The following GCSAML variants were observed in gnomAD, a reference collection of about 807,000 sequenced individuals.
GCSAML encodes germinal center-associated signaling and motility-like protein.
Under a neutral mutation model 13.0 loss-of-function variants are expected in GCSAML, and 9 were observed. That is an observed-to-expected ratio of 0.69 (90% CI 0.42 to 1.21). The LOEUF is 1.21. Among genes scored for constraint, GCSAML ranks in the 50% most tolerant of loss-of-function variants. The pLI, the probability that GCSAML is intolerant of heterozygous loss-of-function variation, is 0.00. For synonymous variants in GCSAML, 37 were observed against 52.9 expected (o/e 0.70, Z 1.31); for missense variants, 143 against 153.4 (o/e 0.93, Z 0.36).
chr1:247,529,230 G>T (rs1666807878), intron 2 of GCSAML: 1 of 152,172 alleles, frequency 6.6e-6, no homozygotes, highest in African/African-American at 2.4e-5. Context: ...TTTACATAGT[G>T]AACAAAGCCT....
chr1:247,563,505 A>T, intron 2 of GCSAML, 85 bp from the exon 3 acceptor site: 1 of 728,240 alleles, frequency 1.4e-6, no homozygotes, highest in Non-Finnish European at 2.3e-6. Context: ...GCCTTAGGTT[A>T]AGGGCAACCA....
chr1:247,549,096 C>T (rs776918194), upstream of GCSAML: 351 of 1,612,170 alleles, frequency 2.2e-4, no homozygotes, highest in Admixed American at 3.2e-4. Context: ...TCAGATGCAA[C>T]GTCCTGCCTC....
At chr1:247,519,618 G>A (rs1881794) in intron 1 of GCSAML, among the ~76,000 whole-genome samples, 3,712 of 152,214 alleles carry the variant, frequency 0.024, 152 homozygotes, top group African/African-American at 0.084. Flanking sequence ...GCAAACATTC[G>A]TTATTCTAGG....
intron 2 of GCSAML, among the ~76,000 whole-genome samples, chr1:247,562,824 T>C (rs1199333296): frequency 3.5e-5 from 5 of 144,390 alleles, no homozygotes; most frequent in African/African-American, 1.2e-4. Context: ...GGCCCACACT[T>C]ATTTTTTTTT....
intron 1 of GCSAML, among the ~76,000 whole-genome samples, chr1:247,522,272 TAG>T (rs1666471871): frequency 1.1e-5 from 1 of 93,124 alleles, no homozygotes. Flanking sequence ...CCCACCCGGC[TAG>T]CCGCCCTGTC....
chr1:247,532,393 A>G, intron 2 of GCSAML: 1 of 1,614,122 alleles, frequency 6.2e-7, no homozygotes, highest in South Asian at 1.1e-5. Context: ...ATTGCCCAAG[A>G]TCGATACCAT....
intron 2 of GCSAML, among the ~76,000 whole-genome samples, chr1:247,561,127 A>G (rs1360691820): frequency 6.6e-6 from 1 of 151,300 alleles, no homozygotes; most frequent in African/African-American, 2.4e-5. Flanking sequence ...CTAATATACA[A>G]CTTTTTTGTA....
At chr1:247,539,594 G>A (rs946006126) in intron 2 of GCSAML, among the ~76,000 whole-genome samples, 11 of 152,018 alleles carry the variant, frequency 7.2e-5, no homozygotes, top group African/African-American at 2.7e-4. Context: ...ACAAGTGACC[G>A]ACTAAAAGCA....
intron 1 of GCSAML, among the ~76,000 whole-genome samples, chr1:247,551,384 C>T (rs1311920125): frequency 1.3e-5 from 2 of 152,080 alleles, no homozygotes; most frequent in African/African-American, 2.4e-5. Context: ...GAGATGACTC[C>T]AGTAGCAGAA....
chr1:247,563,006 A>AT (rs35205676), intron 2 of GCSAML, among the ~76,000 whole-genome samples: 68,417 of 134,590 alleles, frequency 0.51, 17,532 homozygotes, highest in East Asian at 0.8. Context: ...TACCCAGCTC[A>AT]TTTTTTTTTT....
rs958165359 is a variant in GCSAML, at chr1:247,527,958, T to G, written c.-148+904T>G. ...ACTTATTTCTATGAGATCAACCCTT[T>G]TTTAGCTTTCACAGATGAATGAGAA... is the stretch of plus-strand genomic sequence containing the variant. On this transcript the variant is annotated intron_variant, in intron 2 of 5. Transcript: ENST00000366489. The surrounding 1 kb of genome is among the most constrained non-coding windows in gnomAD (Gnocchi z 4.6). The G allele has an allele frequency of 1.3e-5, 2 of 152,164 alleles. No individual in the cohort carries two copies. Among genetic ancestry groups the G allele is most frequent in the Non-Finnish European group, 2.9e-5 (2 of 68,034 alleles). 9.4% of individuals were successfully genotyped at this position (152,164 alleles called of 1,614,324 possible). A position where few individuals can be genotyped will look rare whatever the true frequency, so the allele number is the denominator to read the frequency against.
chr1:247,545,544 G>A (rs1407469950), upstream of GCSAML, among the ~76,000 whole-genome samples: 2 of 152,164 alleles, frequency 1.3e-5, no homozygotes, highest in Non-Finnish European at 2.9e-5. Context: ...TAGTAATGAT[G>A]TTAAGAAAAT....
intron 1 of GCSAML, among the ~76,000 whole-genome samples, chr1:247,522,317 C>T (rs1240477294): frequency 2.2e-5 from 3 of 136,660 alleles, no homozygotes; most frequent in East Asian, 2.3e-4. Context: ...TCCACCTGGC[C>T]GCCGCCCCGT....
In GCSAML at chr1:247,577,299, G is replaced by A. The variant is rs778146840; in HGVS notation, c.*2917G>A. 6.6e-5 allele frequency: 10 copies of A among 152,140 alleles called. No homozygotes were observed. Among genetic ancestry groups the A allele is most frequent in the African/African-American group, 1.7e-4 (7 of 41,430 alleles). The allele number at this position is 152,140 out of a possible 1,614,324, so 9.4% of individuals were successfully genotyped here. A position where few individuals can be genotyped will look rare whatever the true frequency, so the allele number is the denominator to read the frequency against. On this transcript the variant is annotated 3_prime_UTR_variant, in exon 5 of 5. Transcript: ENST00000366488. ...TAGAGTTATAAGAATTTTGTCAAAT[G>A]TATTCACCCATGTAGTCACCTCCTT...
chr1:247,560,292 G>A (rs184619715), intron 2 of GCSAML, among the ~76,000 whole-genome samples: 1 of 152,322 alleles, frequency 6.6e-6, no homozygotes. Flanking sequence ...GTGCAGTAAT[G>A]TTTGCTTTAT....
chr1:247,567,328 G>T (rs1176185929), intron 4 of GCSAML, among the ~76,000 whole-genome samples: 2 of 150,876 alleles, frequency 1.3e-5, no homozygotes, highest in Admixed American at 1.3e-4. Flanking sequence ...CCCTCCCCTT[G>T]CCCCCCACAC....
At position 247,574,530 on chromosome 1, in the gene GCSAML, C is replaced by A; in HGVS notation, c.*148C>A. ...TATCTTATTATATATCCTTAGGCAA[C>A]TCTGATATGTGGCATCTCTGTGGCT... On this transcript the variant is annotated 3_prime_UTR_variant, in exon 5 of 5. Coordinates refer to ENST00000366488, the MANE Select transcript of GCSAML (RefSeq NM_145278.5). 1.3e-6 allele frequency: 1 copy of A among 784,334 alleles called. No homozygotes were observed. The highest frequency in any genetic ancestry group is 2.0e-6 in the Non-Finnish European group (1 of 504,930). The allele number at this position is 784,334 out of a possible 1,614,324, so 48.6% of individuals were successfully genotyped here.
Position 247,574,866 on chromosome 1 carries a change from T to C in GCSAML, c.*484T>C, listed in dbSNP as rs1368982532. ...TCATAAGACTGATGAAATAGACTGA[T>C]TGTGGCAATAAGAGTCCCAATTCCA... On this transcript the variant is annotated 3_prime_UTR_variant, in exon 5 of 5. Coordinates refer to ENST00000366488, the MANE Select transcript of GCSAML (RefSeq NM_145278.5). The C allele has an allele frequency of 1.2e-5, 2 of 165,068 alleles. No individual in the cohort carries two copies. The highest frequency in any genetic ancestry group is 5.6e-5 in the Admixed American group (1 of 17,980). 10.2% of individuals were successfully genotyped at this position (165,068 alleles called of 1,614,324 possible).
At chr1:247,540,646 A>G (rs1410887338) in intron 2 of GCSAML, among the ~76,000 whole-genome samples, 1 of 152,210 alleles carries the variant, frequency 6.6e-6, no homozygotes, top group Non-Finnish European at 1.5e-5. Context: ...GTGTGAGCAG[A>G]TGTATGAACT....
Sources: gnomAD v4.1 joint callset for allele counts (sites outside exome capture counted in the v4.1 genomes callset) on GRCh38, gnomAD v4.1.1 for gene constraint, Gnocchi (gnomAD v3.1) non-coding constraint, MANE v1.5 for transcripts, NCBI Gene and HGNC (gene_info 2026-07-23, HGNC 2026-07-21) for gene names.